The following TMEM135 variants were observed in gnomAD, a reference collection of about 807,000 sequenced individuals.
TMEM135 encodes peroxisomal membrane protein 52.
In TMEM135, 30 loss-of-function variants were observed where a neutral mutation model predicts 60.3. That is an observed-to-expected ratio of 0.50 (90% CI 0.37 to 0.68). The LOEUF (loss-of-function observed/expected upper bound fraction) is 0.68. Ranked by LOEUF, TMEM135 falls within the 30% of genes least tolerant of loss-of-function variation. The pLI is 0.00. For synonymous variants in TMEM135, 190 were observed against 186.7 expected (o/e 1.02, Z -0.14); for missense variants, 468 against 548.8 (o/e 0.85, Z 1.47).
At chr11:87,319,416 G>T in intron 14 of TMEM135, 39 bp downstream of exon 14, 2 of 1,428,962 alleles carry the variant, frequency 1.4e-6, no homozygotes, top group Non-Finnish European at 2.0e-6. Flanking sequence ...TATTATGAGT[G>T]GTTTTATCTT....
chr11:87,162,440 C>T lies in TMEM135; in HGVS notation c.462+5034C>T, dbSNP rs545163905. ...CCTGTGTCCATGTGTTCTCATTGTT[C>T]AACTCCCATTTATGAGTGAGAACAT... is the stretch of plus-strand genomic sequence containing the variant. On this transcript the variant is annotated intron_variant, in intron 5 of 14. Coordinates refer to ENST00000305494, the MANE Select transcript of TMEM135 (RefSeq NM_022918.4). Among the ~76,000 whole-genome samples the T allele has an allele frequency of 1.5e-4, 23 of 152,196 alleles. No individual in the cohort carries two copies. In the South Asian group the frequency reaches 4.8e-3, roughly 32 times the overall value.
intron 3 of TMEM135, among the ~76,000 whole-genome samples, chr11:87,089,620 G>A (rs1857165488): frequency 6.6e-6 from 1 of 152,146 alleles, no homozygotes; most frequent in African/African-American, 2.4e-5. Flanking sequence ...TTTGGAATTT[G>A]TAACATATAT....
At chr11:87,223,749 C>A (rs927997285) in intron 5 of TMEM135, among the ~76,000 whole-genome samples, 3 of 151,634 alleles carry the variant, frequency 2.0e-5, no homozygotes, top group African/African-American at 7.3e-5. Flanking sequence ...ACTCTGGAGG[C>A]TGAAGCAGGA....
intron 1 of TMEM135, among the ~76,000 whole-genome samples, chr11:87,047,457 G>A (rs890082180): frequency 1.3e-4 from 19 of 151,284 alleles, no homozygotes; most frequent in Admixed American, 4.6e-4. Context: ...CAGTGTGTGC[G>A]CGCACCGTGC....
chr11:87,045,820 A>T (rs988876190), intron 1 of TMEM135, among the ~76,000 whole-genome samples: 2 of 152,232 alleles, frequency 1.3e-5, no homozygotes, highest in African/African-American at 2.4e-5. Flanking sequence ...CTGATATTTG[A>T]TGATTAGTTT....
chr11:87,272,425 A>C (rs1941886818), intron 6 of TMEM135, among the ~76,000 whole-genome samples: 1 of 151,922 alleles, frequency 6.6e-6, no homozygotes, highest in South Asian at 2.1e-4. Context: ...GAACCTTTCT[A>C]GTCTCAGCAC....
Position 87,323,167 on chromosome 11 carries a change from A to T in TMEM135, c.*1834A>T, listed in dbSNP as rs866703755. ...AAGATGAATTACGAAATTTGCTGAG[A>T]TTGTTTAGTAAAATTTTGCTGGTCA... is the stretch of plus-strand genomic sequence containing the variant. On this transcript the variant is annotated 3_prime_UTR_variant, in exon 15 of 15. Coordinates refer to ENST00000305494, the MANE Select transcript of TMEM135 (RefSeq NM_022918.4). 2.2e-6 allele frequency: 1 copy of T among 453,996 alleles called. No individual in the cohort carries two copies. Among genetic ancestry groups the T allele is most frequent in the Non-Finnish European group, 4.4e-6 (1 of 226,694 alleles). 28.1% of individuals were successfully genotyped at this position (453,996 alleles called of 1,614,324 possible).
At chr11:87,127,983 C>A (rs965668232) in intron 4 of TMEM135, among the ~76,000 whole-genome samples, 2 of 152,192 alleles carry the variant, frequency 1.3e-5, no homozygotes, top group African/African-American at 4.8e-5. Flanking sequence ...TTGAACATCT[C>A]TTAAATTCAA....
intron 1 of TMEM135, among the ~76,000 whole-genome samples, chr11:87,055,476 A>C (rs1949884956): frequency 6.6e-6 from 1 of 152,184 alleles, no homozygotes; most frequent in African/African-American, 2.4e-5. Context: ...GTAGTCAGAA[A>C]TTTTCAATTA....
At chr11:87,241,251 T>G (rs1211217220) in intron 6 of TMEM135, among the ~76,000 whole-genome samples, 1 of 152,082 alleles carries the variant, frequency 6.6e-6, no homozygotes, top group East Asian at 1.9e-4. Flanking sequence ...AGAGATAACT[T>G]TAGAAGCATA....
intron 5 of TMEM135, among the ~76,000 whole-genome samples, chr11:87,222,812 AG>A (rs201421611): frequency 6.0e-5 from 9 of 149,808 alleles, no homozygotes; most frequent in East Asian, 3.9e-4. Context: ...TCAAAAAAAA[AG>A]AAAGAAAGAA....
chr11:87,249,994 A>G (rs641389), intron 6 of TMEM135, among the ~76,000 whole-genome samples: 79,399 of 151,432 alleles, frequency 0.52, 21,489 homozygotes, highest in Non-Finnish European at 0.6. Context: ...TCTTTGATCT[A>G]TTCAGGTTTT....
At position 87,314,683 on chromosome 11, in the gene TMEM135, CCT is replaced by C. The variant is rs544239841; in HGVS notation, c.1077+137_1077+138del. ...TAAAAGTATTTGCAAAGTTGATTCC[CCT>C]GTGTTTTTCTTTGTGTGTGTGTTAT... On this transcript the variant is annotated intron_variant, in intron 12 of 14. Transcript: ENST00000305494. 3.8e-4 allele frequency: 266 copies of C among 705,186 alleles called. No individual in the cohort carries two copies. The African/African-American group carries it at 4.6e-3, about 12-fold the overall frequency. 43.7% of individuals were successfully genotyped at this position (705,186 alleles called of 1,614,324 possible).
chr11:87,058,198 C>A (rs1949911569), intron 1 of TMEM135, among the ~76,000 whole-genome samples: 2 of 152,170 alleles, frequency 1.3e-5, no homozygotes, highest in Non-Finnish European at 2.9e-5. Flanking sequence ...TAGAAGCACC[C>A]TCATAGACAT....
At chr11:87,129,054 A>G (rs2135228427) in intron 4 of TMEM135, among the ~76,000 whole-genome samples, 1 of 148,582 alleles carries the variant, frequency 6.7e-6, no homozygotes, top group African/African-American at 2.5e-5. Context: ...AACTCTAAAT[A>G]TGTGGAGCTT....
chr11:87,317,188 A>T (rs1942747523), intron 12 of TMEM135, among the ~76,000 whole-genome samples: 1 of 152,076 alleles, frequency 6.6e-6, no homozygotes, highest in Non-Finnish European at 1.5e-5. Context: ...AATCTGGTTT[A>T]TTAAATGAAT....
At chr11:87,195,017 A>G (rs1565481934) in intron 5 of TMEM135, among the ~76,000 whole-genome samples, 1 of 152,210 alleles carries the variant, frequency 6.6e-6, no homozygotes, top group South Asian at 2.1e-4. Flanking sequence ...TTTTAGAAAC[A>G]AAGCATGCCT....
At chr11:87,140,028 C>T (rs1938219675) in intron 4 of TMEM135, among the ~76,000 whole-genome samples, 1 of 151,820 alleles carries the variant, frequency 6.6e-6, no homozygotes, top group Admixed American at 6.6e-5. Context: ...TATATATTTG[C>T]AGATATTTTT....
chr11:87,040,976 A>G (rs551057262), intron 1 of TMEM135, among the ~76,000 whole-genome samples: 2 of 152,234 alleles, frequency 1.3e-5, no homozygotes, highest in African/African-American at 4.8e-5. Context: ...TGCAGTAGAC[A>G]TTTATAGCAT....
Sources: allele counts gnomAD v4.1 joint callset (sites outside exome capture counted in the v4.1 genomes callset), GRCh38; gene constraint gnomAD v4.1.1; transcripts MANE v1.5; gene names NCBI Gene and HGNC (gene_info 2026-07-23, HGNC 2026-07-21).